Variants in PPM1H observed in about 807,000 individuals in gnomAD.
PPM1H encodes protein phosphatase, Mg2+/Mn2+ dependent 1H.
A neutral mutation model predicts 54.9 loss-of-function variants in PPM1H; 27 were observed. That is an observed-to-expected ratio of 0.49 (90% CI 0.36 to 0.68). The LOEUF (loss-of-function observed/expected upper bound fraction) is 0.68. Ranked by LOEUF, PPM1H falls within the 30% of genes least tolerant of loss-of-function variation. PPM1H has a pLI of 0.00. For synonymous variants in PPM1H, 305 were observed against 270.8 expected (o/e 1.13, Z -1.24); for missense variants, 596 against 667.8 (o/e 0.89, Z 1.19).
At chr12:62,762,275 T>C (rs1250668843) in intron 4 of PPM1H, among the ~76,000 whole-genome samples, 1 of 152,188 alleles carries the variant, frequency 6.6e-6, no homozygotes, top group Non-Finnish European at 1.5e-5. Context: ...CTCACTGCCA[T>C]GGAGTCTGTA....
At chr12:62,780,459 C>G (rs921880388) in intron 4 of PPM1H, among the ~76,000 whole-genome samples, 1 of 152,164 alleles carries the variant, frequency 6.6e-6, no homozygotes, top group African/African-American at 2.4e-5. Flanking sequence ...TGCCACCATG[C>G]CCAACTAATT....
intron 3 of PPM1H, among the ~76,000 whole-genome samples, chr12:62,800,153 T>C (rs2076758309): frequency 6.6e-6 from 1 of 152,202 alleles, no homozygotes; most frequent in Non-Finnish European, 1.5e-5. Context: ...ATTTTTGCCT[T>C]ACAAACAAAT....
rs1038988805 is a variant in PPM1H, at chr12:62,924,213, T to C, written c.245+10279A>G. Among the ~76,000 whole-genome samples, 3 of 150,858 alleles carry C rather than the reference T, an allele frequency of 2.0e-5. No individual in the cohort carries two copies. The East Asian group carries it at 5.8e-4, about 29-fold the overall frequency. The stretch of plus-strand genomic sequence containing the variant: ...TGTAAGACGAAACTGAGGCCCAGAG[T>C]GGGGGGGGCAGTAGCCAACTCGACA... On this transcript the variant is annotated intron_variant, in intron 1 of 9. Transcript: ENST00000228705.
intron 9 of PPM1H, among the ~76,000 whole-genome samples, chr12:62,663,378 G>A (rs2075897062): frequency 6.6e-6 from 1 of 151,922 alleles, no homozygotes; most frequent in Non-Finnish European, 1.5e-5. Context: ...GTAGAGACAG[G>A]GTCTCACTAT....
chr12:62,843,197 T>A (rs1254368180), intron 1 of PPM1H, among the ~76,000 whole-genome samples: 3 of 152,142 alleles, frequency 2.0e-5, no homozygotes, highest in Admixed American at 2.0e-4. Context: ...GTGCGTATAG[T>A]CCCAGCTACT....
At chr12:62,653,491 T>C (rs1363043873) in intron 9 of PPM1H, among the ~76,000 whole-genome samples, 2 of 152,240 alleles carry the variant, frequency 1.3e-5, no homozygotes, top group South Asian at 2.1e-4. Context: ...AAGAACCAAA[T>C]TGACCTCTTC....
intron 6 of PPM1H, among the ~76,000 whole-genome samples, chr12:62,699,866 A>T (rs889478071): frequency 6.6e-6 from 1 of 152,192 alleles, no homozygotes; most frequent in Non-Finnish European, 1.5e-5. Flanking sequence ...ACAAGAACAG[A>T]TTACTAATTG....
rs1872257849 is a variant in PPM1H, at chr12:62,934,529, C to T, written c.208G>A (p.Glu70Lys). 1 of 1,551,632 alleles carries T rather than the reference C, an allele frequency of 6.4e-7. No homozygotes were observed. Among genetic ancestry groups the T allele is most frequent in the African/African-American group, 1.4e-5 (1 of 73,092 alleles). ...GTGGCCCAGGGCAGCCGCCGAGTCT[C>T]CTTGAGGATGAGGATGGGGCGGGCG... ...HIARPILILK[E>K]TRRLPWATGY... Residue 70 changes from glutamate to lysine, a missense_variant, in exon 1 of 10, where the codon GAG becomes AAG. Glu to Lys is a moderately conservative substitution (Grantham distance 56). Transcript: ENST00000228705. The surrounding 1 kb of genome is among the most constrained non-coding windows in gnomAD (Gnocchi z 4.2).
At chr12:62,658,690 A>C in intron 9 of PPM1H, 1 of 311,564 alleles carries the variant, frequency 3.2e-6, no homozygotes. Context: ...ATGTTAGCGC[A>C]ATGCATTTCC....
intron 2 of PPM1H, among the ~76,000 whole-genome samples, chr12:62,825,129 A>G (rs1285188205): frequency 6.6e-6 from 1 of 152,220 alleles, no homozygotes; most frequent in Non-Finnish European, 1.5e-5. Flanking sequence ...CAACACACAC[A>G]TGAAAAAAAT....
At chr12:62,880,877 G>T (rs1489891441) in intron 1 of PPM1H, among the ~76,000 whole-genome samples, 1 of 152,100 alleles carries the variant, frequency 6.6e-6, no homozygotes, top group Non-Finnish European at 1.5e-5. Context: ...CCATGCATAT[G>T]TTGGGGAACC....
intron 1 of PPM1H, among the ~76,000 whole-genome samples, chr12:62,925,768 G>A (rs1871952899): frequency 6.6e-6 from 1 of 152,100 alleles, no homozygotes; most frequent in African/African-American, 2.4e-5. Context: ...CCCTTCTATG[G>A]CATTTTTGGG....
intron 4 of PPM1H, among the ~76,000 whole-genome samples, chr12:62,752,613 C>A (rs1275717464): frequency 6.6e-6 from 1 of 152,134 alleles, no homozygotes; most frequent in East Asian, 1.9e-4. Flanking sequence ...TTTTTCCAAG[C>A]ATATCCATAA....
At chr12:62,740,724 T>TC (rs1459236602) in intron 4 of PPM1H, among the ~76,000 whole-genome samples, 1 of 152,222 alleles carries the variant, frequency 6.6e-6, no homozygotes, top group African/African-American at 2.4e-5. Context: ...TAGGCAGGGC[T>TC]ATGTAACTTC....
intron 8 of PPM1H, among the ~76,000 whole-genome samples, chr12:62,669,806 G>A (rs1160820160): frequency 1.3e-5 from 2 of 151,902 alleles, no homozygotes; most frequent in African/African-American, 4.8e-5. Flanking sequence ...GGGCATGGCA[G>A]TGCATGCCTG....
At chr12:62,818,519 G>A (rs866803390) in intron 2 of PPM1H, among the ~76,000 whole-genome samples, 1 of 150,166 alleles carries the variant, frequency 6.7e-6, no homozygotes, top group Non-Finnish European at 1.5e-5. Flanking sequence ...GCTTTCCTAA[G>A]AGACAGTCTC....
chr12:62,899,395 A>AC (rs1308115562), intron 1 of PPM1H, among the ~76,000 whole-genome samples: 1 of 151,970 alleles, frequency 6.6e-6, no homozygotes, highest in African/African-American at 2.4e-5. Flanking sequence ...ACACAGAGAG[A>AC]CCCCCATCCC....
intron 1 of PPM1H, among the ~76,000 whole-genome samples, chr12:62,922,336 CT>C (rs60390481): frequency 3.8e-4 from 57 of 148,190 alleles, no homozygotes; most frequent in African/African-American, 1.2e-3. Flanking sequence ...GATAGGATGT[CT>C]TTTTTTTTTT....
At chr12:62,723,671 A>T (rs564543749) in intron 5 of PPM1H, among the ~76,000 whole-genome samples, 10 of 152,288 alleles carry the variant, frequency 6.6e-5, no homozygotes, top group African/African-American at 2.4e-4. Context: ...AACTGTGATA[A>T]ATTTTGTTCT....
Sources: gnomAD v4.1 joint callset for allele counts (sites outside exome capture counted in the v4.1 genomes callset) on GRCh38, gnomAD v4.1.1 for gene constraint, Gnocchi (gnomAD v3.1) non-coding constraint, MANE v1.5 for transcripts, NCBI Gene and HGNC (gene_info 2026-07-23, HGNC 2026-07-21) for gene names.